The following CHAT variants were observed in gnomAD, a reference collection of about 807,000 sequenced individuals.
CHAT encodes acetyl CoA:choline O-acetyltransferase.
In CHAT, 61 loss-of-function variants were observed where a neutral mutation model predicts 76.9. The observed-to-expected ratio is 0.79, with a 90% CI of 0.65 to 0.98. CHAT has a LOEUF of 0.98. Among genes scored for constraint, CHAT ranks in the 50% least tolerant of loss-of-function variants. The pLI, the probability that CHAT is intolerant of heterozygous loss-of-function variation, is 0.00. For synonymous variants in CHAT, 407 were observed against 397.4 expected (o/e 1.02, Z -0.29); for missense variants, 946 against 986.9 (o/e 0.96, Z 0.56).
chr10:49,621,118 C>G (rs529904054), intron 4 of CHAT, among the ~76,000 whole-genome samples: 1 of 152,248 alleles, frequency 6.6e-6, no homozygotes. Context: ...GGGCCTCTGG[C>G]CGCTAATGAC....
chr10:49,611,971 G>T, upstream of CHAT: 4 of 1,613,182 alleles, frequency 2.5e-6, no homozygotes, highest in Non-Finnish European at 3.4e-6. Flanking sequence ...CCTGGTGGAC[G>T]TGCGCCATGT....
upstream of CHAT, among the ~76,000 whole-genome samples, chr10:49,609,625 C>T (rs1367609062): frequency 4.6e-5 from 7 of 152,264 alleles, no homozygotes; most frequent in South Asian, 1.4e-3. Flanking sequence ...TGCCCTCAGT[C>T]CCCACAAGCT....
In CHAT at chr10:49,667,921, A is replaced by G. The variant is rs896846338; in HGVS notation, c.*2875A>G. On this transcript the variant is annotated 3_prime_UTR_variant, in exon 15 of 15. Coordinates refer to ENST00000337653, the MANE Select transcript of CHAT (RefSeq NM_020549.5). ...TAAAAATTGTTCTAAGTCTATATTCAATAAAAAGTAATGCCAAGAAAGATG... is the reference window on the plus strand; with the variant it reads ...TAAAAATTGTTCTAAGTCTATATTCGATAAAAAGTAATGCCAAGAAAGATG... 3.9e-5 allele frequency among the ~76,000 whole-genome samples: 6 copies of G among 152,234 alleles called. No homozygotes were observed. Among genetic ancestry groups the G allele is most frequent in the Non-Finnish European group, 8.8e-5 (6 of 68,046 alleles).
chr10:49,614,410 C>G lies in CHAT; in HGVS notation c.221C>G (p.Thr74Ser). ...CGCCCCCCACCCCTTCCGGCTCACA[C>G]CCCCGCCCACACTCCTGAGTGGTGC... ...ATRPPPLPAHTPAHTPEWCGA... is the reference protein window; with the variant it reads ...ATRPPPLPAHSPAHTPEWCGA... Residue 74 changes from threonine (T) to serine (S), a missense_variant, in exon 1 of 15, where the codon ACC (threonine) becomes AGC (serine). Physicochemically the swap from Thr to Ser is moderately conservative, Grantham distance 58. Transcript: ENST00000337653. 2 of 1,547,154 alleles carry G rather than the reference C, an allele frequency of 1.3e-6. No individual in the cohort carries two copies. Among genetic ancestry groups the G allele is most frequent in the Non-Finnish European group, 1.7e-6 (2 of 1,146,314 alleles).
At chr10:49,611,560 G>T, upstream of CHAT, 2 of 1,605,616 alleles carry the variant, frequency 1.2e-6, no homozygotes, top group Non-Finnish European at 1.7e-6. Context: ...ACGGGCTCGG[G>T]CCAACCTGCC....
At chr10:49,639,574 GGTGT>G (rs138303214) in intron 7 of CHAT, among the ~76,000 whole-genome samples, 4,301 of 147,282 alleles carry the variant, frequency 0.029, 62 homozygotes, top group African/African-American at 0.035. Context: ...CACACATATG[GGTGT>G]GTGTGTCTAT....
At chr10:49,616,201 C>G (rs1306254560) in intron 1 of CHAT, 1 of 1,136,280 alleles carries the variant, frequency 8.8e-7, no homozygotes, top group East Asian at 2.3e-5. Flanking sequence ...CCAGCAACCC[C>G]TGGTGGATTT....
At chr10:49,622,639 T>C (rs1009191974) in intron 5 of CHAT, among the ~76,000 whole-genome samples, 2 of 152,038 alleles carry the variant, frequency 1.3e-5, no homozygotes, top group Non-Finnish European at 2.9e-5. Context: ...AGGAAGAAAG[T>C]CCCTCTCCTG....
At chr10:49,617,544 G>A (rs1327506156) in intron 2 of CHAT, among the ~76,000 whole-genome samples, 1 of 152,192 alleles carries the variant, frequency 6.6e-6, no homozygotes, top group Non-Finnish European at 1.5e-5. Flanking sequence ...TCTGAGCTGC[G>A]ATTTCCTGCT....
At chr10:49,634,054 T>C (rs1232946807) in intron 7 of CHAT, among the ~76,000 whole-genome samples, 1 of 152,222 alleles carries the variant, frequency 6.6e-6, no homozygotes, top group African/African-American at 2.4e-5. Context: ...CTGATTTAAT[T>C]GGCCCAGAAA....
chr10:49,626,879 C>T (rs570887096), intron 6 of CHAT, among the ~76,000 whole-genome samples: 2 of 152,358 alleles, frequency 1.3e-5, no homozygotes, highest in African/African-American at 4.8e-5. Flanking sequence ...ATACAAAGCA[C>T]ATGTAGGTAT....
At chr10:49,656,250 G>A (rs1294732719) in intron 13 of CHAT, among the ~76,000 whole-genome samples, 1 of 148,164 alleles carries the variant, frequency 6.7e-6, no homozygotes, top group Non-Finnish European at 1.5e-5. Flanking sequence ...TTCTATTTGG[G>A]GAAAACATAG....
Position 49,614,315 on chromosome 10 carries a change from CG to C in CHAT, c.130del (p.Asp44ThrfsTer156). 6.5e-7 allele frequency: 1 copy of C among 1,547,648 alleles called. No homozygotes were observed. The highest frequency in any genetic ancestry group is 8.7e-7 in the Non-Finnish European group (1 of 1,146,204). ...CTTGCTTTCTCCAGTCGGGTGGCCG[CG>C]GGGACCCGGGCGACGTCGGAGGCCC... Reference protein sequence around the residue: ...PACFLQSGGRGDPGDVGGPAG... With the variant: ...PACFLQSGGRXDPGDVGGPAG... On this transcript the variant is annotated frameshift_variant, in exon 1 of 15. Coordinates refer to ENST00000337653, the MANE Select transcript of CHAT (RefSeq NM_020549.5). LOFTEE classifies it high-confidence loss of function.
rs7099292 is a variant in CHAT, at chr10:49,626,338, T to C, written c.933+685T>C. 5.5e-3 allele frequency among the ~76,000 whole-genome samples: 844 copies of C among 152,346 alleles called. 9 individuals are homozygous for C. The highest frequency in any genetic ancestry group is 0.018 in the African/African-American group (734 of 41,580). On this transcript the variant is annotated intron_variant, in intron 6 of 14. Transcript: ENST00000337653. ...TGTGCCCACTGCACTATATATTCCA[T>C]ATATTGAGCTTCACATAAATATTTC...
At chr10:49,646,970 G>T in intron 8 of CHAT, 1 of 486,792 alleles carries the variant, frequency 2.1e-6, no homozygotes, top group Non-Finnish European at 3.8e-6. Context: ...GTCTGGGCCA[G>T]ACCTGGGGCC....
At chr10:49,648,392 C>G (rs1241079823) in intron 8 of CHAT, 115 bp from the exon 9 acceptor site, 4 of 731,952 alleles carry the variant, frequency 5.5e-6, no homozygotes, top group African/African-American at 5.2e-5. Flanking sequence ...ATAATGTGCT[C>G]TGGTGTCCCT....
intron 2 of CHAT, among the ~76,000 whole-genome samples, chr10:49,617,589 G>A (rs1291810074): frequency 6.6e-6 from 1 of 152,208 alleles, no homozygotes; most frequent in African/African-American, 2.4e-5. Flanking sequence ...TTCCCTGTTA[G>A]CCAGGCTAAG....
intron 1 of CHAT, chr10:49,615,881 T>C: frequency 3.0e-6 from 2 of 661,478 alleles, no homozygotes; most frequent in South Asian, 3.8e-5. Context: ...ACTGCCTAGG[T>C]CACAACGCCT....
chr10:49,614,531 C>A, intron 1 of CHAT, 56 bp downstream of exon 1: 1 of 1,199,628 alleles, frequency 8.3e-7, no homozygotes, highest in African/African-American at 1.6e-5. Context: ...GCAAGGGCGG[C>A]GGTCGGGGGC....
Sources: allele counts gnomAD v4.1 joint callset (sites outside exome capture counted in the v4.1 genomes callset), GRCh38; gene constraint gnomAD v4.1.1; transcripts MANE v1.5; gene names NCBI Gene and HGNC (gene_info 2026-07-23, HGNC 2026-07-21).